The following RALGPS2 variants were observed in gnomAD, a reference collection of about 807,000 sequenced individuals.
The protein encoded by RALGPS2 is Ral GEF with PH domain and SH3 binding motif 2.
A neutral mutation model predicts 86.8 loss-of-function variants in RALGPS2; 43 were observed. The observed-to-expected ratio is 0.50, with a 90% CI of 0.39 to 0.64. RALGPS2 has a LOEUF of 0.64. Ranked by LOEUF, RALGPS2 falls within the 30% of genes least tolerant of loss-of-function variation. The probability of loss-of-function intolerance (pLI) is 0.00; values close to 1 mark genes in which losing one functional copy is unlikely to be tolerated. For synonymous variants in RALGPS2, 243 were observed against 231.3 expected (o/e 1.05, Z -0.46); for missense variants, 536 against 694.6 (o/e 0.77, Z 2.57).
At chr1:178,800,311 T>C (rs189784284) in intron 4 of RALGPS2, among the ~76,000 whole-genome samples, 42 of 152,276 alleles carry the variant, frequency 2.8e-4, no homozygotes, top group Non-Finnish European at 2.8e-4. Context: ...GAAACATCTT[T>C]AGAGAAATGG....
At chr1:178,733,100 G>A (rs1329343978) in intron 1 of RALGPS2, among the ~76,000 whole-genome samples, 1 of 152,090 alleles carries the variant, frequency 6.6e-6, no homozygotes, top group Non-Finnish European at 1.5e-5. Context: ...TTCCTTGAAG[G>A]AACTATAGAT....
At chr1:178,726,620 A>C (rs1481428349) in intron 1 of RALGPS2, among the ~76,000 whole-genome samples, 8 of 151,912 alleles carry the variant, frequency 5.3e-5, no homozygotes, top group Non-Finnish European at 1.0e-4. Context: ...CACAAGCAGC[A>C]GTTAATTGAG....
At chr1:178,848,454 A>C (rs1033083862) in intron 8 of RALGPS2, among the ~76,000 whole-genome samples, 1 of 152,174 alleles carries the variant, frequency 6.6e-6, no homozygotes, top group Admixed American at 6.5e-5. Flanking sequence ...CTTGGACCTT[A>C]CCTACCACAC....
At chr1:178,878,221 G>A (rs1007848264) in intron 9 of RALGPS2, among the ~76,000 whole-genome samples, 1 of 151,450 alleles carries the variant, frequency 6.6e-6, no homozygotes, top group African/African-American at 2.4e-5. Flanking sequence ...GATGAGAAAA[G>A]GCATTTTTTT....
chr1:178,873,927 C>T (rs746432596), intron 8 of RALGPS2, among the ~76,000 whole-genome samples: 3 of 152,040 alleles, frequency 2.0e-5, no homozygotes, highest in African/African-American at 7.2e-5. Context: ...GTCACCCAAG[C>T]GGGAGTGCAG....
intron 1 of RALGPS2, among the ~76,000 whole-genome samples, chr1:178,741,264 T>G (rs185191021): frequency 6.6e-6 from 1 of 152,380 alleles, no homozygotes; most frequent in Admixed American, 6.5e-5. Context: ...TGGATGTTTC[T>G]GTTACTTTCA....
At chr1:178,854,947 A>G (rs1657429442) in intron 8 of RALGPS2, among the ~76,000 whole-genome samples, 1 of 152,120 alleles carries the variant, frequency 6.6e-6, no homozygotes. Flanking sequence ...AGCCTTTTTT[A>G]TAAACATGCA....
chr1:178,866,218 A>G (rs1439901478), intron 8 of RALGPS2, among the ~76,000 whole-genome samples: 1 of 152,184 alleles, frequency 6.6e-6, no homozygotes, highest in Non-Finnish European at 1.5e-5. Context: ...GCATTAATTA[A>G]AACATTCTTG....
chr1:178,728,281 C>T (rs1272057107), intron 1 of RALGPS2, among the ~76,000 whole-genome samples: 4 of 151,932 alleles, frequency 2.6e-5, no homozygotes. Flanking sequence ...TGATAATCTG[C>T]TTTTTCAGAA....
chr1:178,919,887 A>T lies in RALGPS2; in HGVS notation c.*3528A>T, dbSNP rs932716076. The T allele has an allele frequency of 2.6e-5, 4 of 152,064 alleles. No homozygotes were observed. The highest frequency in any genetic ancestry group is 5.9e-5 in the Non-Finnish European group (4 of 67,918). The allele number at this position is 152,064 out of a possible 1,614,324, so 9.4% of individuals were successfully genotyped here. A position where few individuals can be genotyped will look rare whatever the true frequency, so the allele number is the denominator to read the frequency against. On this transcript the variant is annotated 3_prime_UTR_variant, in exon 20 of 20. Coordinates refer to ENST00000367635, the MANE Select transcript of RALGPS2 (RefSeq NM_152663.5). ...TAATAAAGCAAATCCTCTGCTTCAA[A>T]GGTTTTTGAAATAATTGGATCCCTT...
chr1:178,885,107 A>T lies in RALGPS2; in HGVS notation c.936A>T (p.Gly312=), dbSNP rs1328869561. The change falls in exon 12 of 20, where the codon GGA becomes GGT. Residue 312 remains glycine (G), a synonymous_variant. Coordinates refer to ENST00000367635, the MANE Select transcript of RALGPS2 (RefSeq NM_152663.5). Reference sequence around the variant, plus strand: ...AAGTAGGAGCGTCTCCACAGAGTGGACGAAAAAGTGTGGCAGCTGAAGGAG... The same window carrying T: ...AAGTAGGAGCGTCTCCACAGAGTGGTCGAAAAAGTGTGGCAGCTGAAGGAG... ...GPEVGASPQS[G]RKSVAAEGAL... 1.2e-6 allele frequency: 2 copies of T among 1,609,552 alleles called. No homozygotes were observed. The highest frequency in any genetic ancestry group is 1.3e-5 in the African/African-American group (1 of 74,616).
At chr1:178,781,125 T>C (rs1349612617) in intron 2 of RALGPS2, among the ~76,000 whole-genome samples, 1 of 152,148 alleles carries the variant, frequency 6.6e-6, no homozygotes, top group Non-Finnish European at 1.5e-5. Flanking sequence ...ATCATTTCAC[T>C]TGTACAAACA....
At chr1:178,791,294 T>A (rs1000657885) in intron 4 of RALGPS2, among the ~76,000 whole-genome samples, 6 of 150,946 alleles carry the variant, frequency 4.0e-5, no homozygotes, top group African/African-American at 1.2e-4. Flanking sequence ...CTAATTTTTT[T>A]TTTTTTTTTT....
chr1:178,760,574 G>GT (rs780613050), intron 1 of RALGPS2, among the ~76,000 whole-genome samples: 5 of 152,236 alleles, frequency 3.3e-5, no homozygotes, highest in Admixed American at 6.5e-5. Context: ...GTCATTAGAT[G>GT]TGAGATGGGT....
chr1:178,742,592 T>C (rs1035040190), intron 1 of RALGPS2, among the ~76,000 whole-genome samples: 1 of 152,310 alleles, frequency 6.6e-6, no homozygotes, highest in Non-Finnish European at 1.5e-5. Context: ...TGAACAATAC[T>C]GTCAACCAAT....
intron 4 of RALGPS2, among the ~76,000 whole-genome samples, chr1:178,796,485 C>G (rs1024439146): frequency 4.6e-5 from 7 of 152,228 alleles, no homozygotes. Context: ...ATTATCTTCT[C>G]TTTGTTAGGA....
In RALGPS2 at chr1:178,764,384, G is replaced by A. The variant is rs1652395479; in HGVS notation, c.-83-12298G>A. Among the ~76,000 whole-genome samples the A allele has an allele frequency of 1.3e-5, 2 of 152,160 alleles. 1 individual carries two copies. Among genetic ancestry groups the A allele is most frequent in the South Asian group, 4.1e-4 (2 of 4,830 alleles). On this transcript the variant is annotated intron_variant, in intron 1 of 19. Coordinates refer to ENST00000367635, the MANE Select transcript of RALGPS2 (RefSeq NM_152663.5). The stretch of plus-strand genomic sequence containing the variant: ...TTGCATTTGAGATGGGTCTCTTGAA[G>A]ACAGCATACAATTGGGTCTTGCTTC...
intron 10 of RALGPS2, among the ~76,000 whole-genome samples, chr1:178,880,912 T>C (rs1435065385): frequency 6.6e-6 from 1 of 152,204 alleles, no homozygotes; most frequent in Non-Finnish European, 1.5e-5. Context: ...ATTCTGTAAA[T>C]TGACATATCA....
chr1:178,821,817 T>C lies in RALGPS2; in HGVS notation c.480+113T>C, dbSNP rs1202430501. The C allele has an allele frequency of 9.2e-6, 8 of 870,120 alleles. No individual in the cohort carries two copies. In the Admixed American group the frequency reaches 2.2e-4, roughly 24 times the overall value. 53.9% of individuals were successfully genotyped at this position (870,120 alleles called of 1,614,324 possible). ...TAATATAATGATAATCAATAAGGAT[T>C]TTTAAATTGCTTTGTACTCTATTCT... On this transcript the variant is annotated intron_variant, in intron 7 of 19. Transcript: ENST00000367635.
Sources: gnomAD v4.1 joint callset for allele counts (sites outside exome capture counted in the v4.1 genomes callset) on GRCh38, gnomAD v4.1.1 for gene constraint, MANE v1.5 for transcripts, NCBI Gene and HGNC (gene_info 2026-07-23, HGNC 2026-07-21) for gene names.